The following SLC12A7 variants were observed in gnomAD, a reference collection of about 807,000 sequenced individuals.
SLC12A7 encodes solute carrier family 12 member 7.
In SLC12A7, 100 loss-of-function variants were observed where a neutral mutation model predicts 120.6. That is an observed-to-expected ratio of 0.83 (90% CI 0.71 to 0.98). The LOEUF is 0.98. Ranked by LOEUF, SLC12A7 falls within the 50% of genes least tolerant of loss-of-function variation. SLC12A7 has a pLI of 0.00. For missense variants in SLC12A7, 1,373 were observed against 1,548.1 expected (o/e 0.89, Z 1.90); for synonymous variants, 760 against 678.0 (o/e 1.12, Z -1.88).
chr5:1,093,196 C>T (rs376899749), intron 3 of SLC12A7, among the ~76,000 whole-genome samples: 3 of 152,308 alleles, frequency 2.0e-5, no homozygotes, highest in East Asian at 1.9e-4. Context: ...GGCCACGTCC[C>T]GGCCTCTCGG....
intron 3 of SLC12A7, among the ~76,000 whole-genome samples, chr5:1,092,700 T>C (rs918242218): frequency 1.3e-5 from 2 of 152,162 alleles, no homozygotes; most frequent in Non-Finnish European, 2.9e-5. Context: ...GAGCAGGGCC[T>C]GCGCTGCTTG....
At chr5:1,080,997 CAGAGAGAGAGACAGACAGACA>C (rs148319434) in intron 9 of SLC12A7, among the ~76,000 whole-genome samples, 51,409 of 144,822 alleles carry the variant, frequency 0.35, 9,971 homozygotes, top group Non-Finnish European at 0.45. Context: ...GAGAGAGAGA[CAGAGAGAGAGACAGACAGACA>C]GACAGAGAGA....
rs1193976119 is a variant in SLC12A7, at chr5:1,078,725, A to G, written c.1430T>C (p.Ile477Thr). ...CTTATCTCGTAAGACCACGCCTTCA[A>G]TGCAGGCCCCAAACAGCACAATGCA... Reference protein sequence around the residue: ...LSCIVLFGACIEGVVLRDKFG... With the variant: ...LSCIVLFGACTEGVVLRDKFG... The change falls in exon 11 of 24, where the codon ATT (isoleucine) becomes ACT (threonine). Residue 477 changes from isoleucine to threonine, a missense_variant. Physicochemically the swap from Ile to Thr is moderately conservative, Grantham distance 89 (BLOSUM62 -1). Transcript: ENST00000264930. 1 of 1,612,128 alleles carries G rather than the reference A, an allele frequency of 6.2e-7. No homozygotes were observed. Among genetic ancestry groups the G allele is most frequent in the Admixed American group, 1.7e-5 (1 of 59,898 alleles).
chr5:1,055,565 C>G (rs1246971972), intron 22 of SLC12A7, among the ~76,000 whole-genome samples: 1 of 152,204 alleles, frequency 6.6e-6, no homozygotes, highest in African/African-American at 2.4e-5. Flanking sequence ...GCACGCCACA[C>G]ATGAATACAA....
chr5:1,153,274 G>A, the SLC12A7 span, among the ~76,000 whole-genome samples: 1 of 152,306 alleles, frequency 6.6e-6, no homozygotes, highest in East Asian at 1.9e-4. Flanking sequence ...GAGATGAGGT[G>A]GGTGGGGGAA....
At chr5:1,136,714 C>T in the SLC12A7 span, among the ~76,000 whole-genome samples, 1 of 142,298 alleles carries the variant, frequency 7.0e-6, no homozygotes, top group Admixed American at 7.1e-5. Context: ...AACACCAGGA[C>T]ACGCAGGCAC....
intron 1 of SLC12A7, among the ~76,000 whole-genome samples, chr5:1,102,644 C>T (rs1742130959): frequency 3.3e-5 from 5 of 152,206 alleles, no homozygotes; most frequent in African/African-American, 1.2e-4. Flanking sequence ...GACCTGTGCA[C>T]ACAGAGAGGC....
intron 9 of SLC12A7, among the ~76,000 whole-genome samples, chr5:1,081,202 G>C (rs995680835): frequency 6.6e-6 from 1 of 152,130 alleles, no homozygotes; most frequent in Non-Finnish European, 1.5e-5. Flanking sequence ...GGTGGCTCAA[G>C]ACGTCTGTAA....
the SLC12A7 span, among the ~76,000 whole-genome samples, chr5:1,145,170 C>T: frequency 2.0e-5 from 3 of 152,370 alleles, no homozygotes; most frequent in South Asian, 6.2e-4. The surrounding 1 kb of genome is among the most constrained non-coding windows in gnomAD (Gnocchi z 4.4). Context: ...GGCCCTCACA[C>T]TTGGGTGTGG....
At chr5:1,121,111 C>G in the SLC12A7 span, among the ~76,000 whole-genome samples, 1 of 152,246 alleles carries the variant, frequency 6.6e-6, no homozygotes, top group Admixed American at 6.5e-5. Flanking sequence ...GTTCCCCAAG[C>G]TGCCTCCTGC....
chr5:1,061,072 A>AT (rs1419681694), intron 20 of SLC12A7, among the ~76,000 whole-genome samples: 5 of 91,052 alleles, frequency 5.5e-5, no homozygotes, highest in African/African-American at 2.5e-4. Context: ...CACCCGCCGC[A>AT]CCTGCCGCAT....
the SLC12A7 span, among the ~76,000 whole-genome samples, chr5:1,131,965 G>T: frequency 5.3e-5 from 8 of 152,112 alleles, no homozygotes; most frequent in Non-Finnish European, 7.4e-5. Context: ...CAGGGGCTGG[G>T]TCTGATGAGG....
intron 2 of SLC12A7, 100 bp from the exon 3 acceptor site, chr5:1,093,755 G>C: frequency 1.3e-6 from 2 of 1,528,832 alleles, no homozygotes; most frequent in South Asian, 1.2e-5. Flanking sequence ...CCCTCCCCGG[G>C]TCCTCAGCCC....
At chr5:1,123,443 A>C in the SLC12A7 span, among the ~76,000 whole-genome samples, 128 of 152,312 alleles carry the variant, frequency 8.4e-4, no homozygotes, top group African/African-American at 3.0e-3. Flanking sequence ...ACTAGAGCTC[A>C]CATCTAGGGT....
intron 1 of SLC12A7, among the ~76,000 whole-genome samples, chr5:1,109,460 C>T (rs1233955471): frequency 2.0e-5 from 3 of 152,200 alleles, no homozygotes; most frequent in African/African-American, 7.2e-5. Context: ...AGGTATTTCA[C>T]ATAAGAATAA....
intron 20 of SLC12A7, 79 bp from the exon 21 acceptor site, chr5:1,060,530 G>T: frequency 1.8e-6 from 2 of 1,130,534 alleles, no homozygotes; most frequent in Non-Finnish European, 2.7e-6. Flanking sequence ...GGTACCCAGA[G>T]ACCGAGCCGC....
Position 1,053,226 on chromosome 5 carries a change from A to G in SLC12A7, c.3160+123T>C, listed in dbSNP as rs2241602. On this transcript the variant is annotated intron_variant, in intron 23 of 23. Transcript: ENST00000264930. ...ACTGCATCCCGGTCGTAGCTCCCAG[A>G]GCCTGGGGCTGAAGGAGAGGCGGGA... is the stretch of plus-strand genomic sequence containing the variant. 713,879 of 1,277,746 alleles carry G rather than the reference A, an allele frequency of 0.56. 200,471 individuals carry two copies. The highest frequency in any genetic ancestry group is 0.58 in the African/African-American group (38,976 of 66,850). 79.2% of individuals were successfully genotyped at this position (1,277,746 alleles called of 1,614,324 possible).
intron 6 of SLC12A7, among the ~76,000 whole-genome samples, chr5:1,085,813 G>C (rs971525262): frequency 6.6e-6 from 1 of 152,202 alleles, no homozygotes; most frequent in African/African-American, 2.4e-5. Context: ...TTCAGGACCC[G>C]GGGCATCCGC....
intron 3 of SLC12A7, among the ~76,000 whole-genome samples, 170 bp from the exon 4 acceptor site, chr5:1,089,298 C>T (rs960738083): frequency 6.6e-6 from 1 of 152,120 alleles, no homozygotes; most frequent in African/African-American, 2.4e-5. Context: ...GGACAGGACC[C>T]CTGACCATCC....
Sources: allele counts gnomAD v4.1 joint callset (sites outside exome capture counted in the v4.1 genomes callset), GRCh38; gene constraint gnomAD v4.1.1; non-coding constraint Gnocchi (gnomAD v3.1); transcripts MANE v1.5; gene names NCBI Gene and HGNC (gene_info 2026-07-23, HGNC 2026-07-21).